The following BCR variants were observed in gnomAD, a reference collection of about 807,000 sequenced individuals.
BCR encodes the protein breakpoint cluster region protein.
Under a neutral mutation model 138.6 loss-of-function variants are expected in BCR, and 58 were observed. The ratio of observed to expected loss-of-function variants is 0.42; its 90% CI spans 0.34 to 0.52. The LOEUF (loss-of-function observed/expected upper bound fraction) is 0.52, where lower values mean the gene tolerates loss of function less well. Among genes scored for constraint, BCR ranks in the 20% least tolerant of loss-of-function variants. The pLI is 0.06. For synonymous variants in BCR, 786 were observed against 730.1 expected (o/e 1.08, Z -1.23); for missense variants, 1,599 against 1,727.2 (o/e 0.93, Z 1.32).
At chr22:23,252,907 A>G (rs1361924938) in intron 1 of BCR, among the ~76,000 whole-genome samples, 2 of 152,186 alleles carry the variant, frequency 1.3e-5, no homozygotes, top group African/African-American at 2.4e-5. Flanking sequence ...CAGTTTTGAC[A>G]TTGTCTACCT....
intron 10 of BCR, among the ~76,000 whole-genome samples, chr22:23,285,540 G>A (rs2073701880): frequency 6.6e-6 from 1 of 152,216 alleles, no homozygotes; most frequent in South Asian, 2.1e-4. Flanking sequence ...TGTCTGACCT[G>A]TGACCAGGGG....
intron 1 of BCR, among the ~76,000 whole-genome samples, chr22:23,237,059 T>C (rs2073035072): frequency 1.3e-5 from 2 of 152,218 alleles, no homozygotes; most frequent in African/African-American, 4.8e-5. Flanking sequence ...GTTGCCACGG[T>C]TCTCCCAGGA....
intron 1 of BCR, among the ~76,000 whole-genome samples, chr22:23,202,043 A>G (rs1368817108): frequency 6.6e-6 from 1 of 152,232 alleles, no homozygotes; most frequent in African/African-American, 2.4e-5. Flanking sequence ...TCCATGTATT[A>G]GTAAATCTTG....
chr22:23,181,862 G>A lies in BCR; in HGVS notation c.902G>A (p.Ser301Asn), dbSNP rs1175064296. The change falls in exon 1 of 23, where the codon AGC (serine) becomes AAC (asparagine). Residue 301 changes from serine to asparagine, a missense_variant. Coordinates refer to ENST00000305877, the MANE Select transcript of BCR (RefSeq NM_004327.4). Reference sequence around the variant, plus strand: ...AAGGGCCCGCTCCTGCGCAGCCAGAGCACCTCTGAGCAGGAGAAGCGCCTT... The same window carrying A: ...AAGGGCCCGCTCCTGCGCAGCCAGAACACCTCTGAGCAGGAGAAGCGCCTT... The part of the protein sequence containing the change: ...EGKGPLLRSQ[S>N]TSEQEKRLTW... 1 of 1,612,896 alleles carries A rather than the reference G, an allele frequency of 6.2e-7. No homozygotes were observed. The highest frequency in any genetic ancestry group is 1.7e-5 in the Admixed American group (1 of 60,022).
chr22:23,278,471 A>C (rs761753251), intron 8 of BCR, among the ~76,000 whole-genome samples: 4 of 152,184 alleles, frequency 2.6e-5, no homozygotes, highest in Non-Finnish European at 5.9e-5. Context: ...TCACACCTGT[A>C]ATCCCAGCAC....
chr22:23,239,911 T>A (rs907611237), intron 1 of BCR, among the ~76,000 whole-genome samples: 1 of 151,364 alleles, frequency 6.6e-6, no homozygotes, highest in Non-Finnish European at 1.5e-5. Flanking sequence ...CTCAGCCTCC[T>A]GGGCTCAAGT....
chr22:23,225,278 C>T (rs888401862), intron 1 of BCR, among the ~76,000 whole-genome samples: 2 of 151,758 alleles, frequency 1.3e-5, no homozygotes, highest in Non-Finnish European at 2.9e-5. Flanking sequence ...GAGACATCAT[C>T]TGAACCCAGA....
intron 2 of BCR, among the ~76,000 whole-genome samples, chr22:23,257,030 C>T (rs567652294): frequency 6.6e-6 from 1 of 152,240 alleles, no homozygotes; most frequent in South Asian, 2.1e-4. Flanking sequence ...GCCTCCATGG[C>T]CCTCCCTGCA....
chr22:23,303,456 G>A (rs1019563722), intron 16 of BCR, among the ~76,000 whole-genome samples: 4 of 152,342 alleles, frequency 2.6e-5, no homozygotes, highest in Admixed American at 6.5e-5. Flanking sequence ...ATTCAGGGGG[G>A]TCTCTGATGT....
intron 16 of BCR, among the ~76,000 whole-genome samples, chr22:23,296,757 C>T (rs2073849764): frequency 6.6e-6 from 1 of 152,248 alleles, no homozygotes; most frequent in African/African-American, 2.4e-5. Context: ...GCCTGGGCAA[C>T]ATAGACCCCT....
chr22:23,314,607 T>A lies in BCR; in HGVS notation c.3619T>A (p.Phe1207Ile), dbSNP rs767877493. 12 of 1,611,802 alleles carry A rather than the reference T, an allele frequency of 7.4e-6. No homozygotes were observed. Among genetic ancestry groups the A allele is most frequent in the Non-Finnish European group, 9.3e-6 (11 of 1,179,834 alleles). ...GTCCCTGCACAACCTCGCCACGGTC[T>A]TTGGCCCCACGCTGCTCCGGCCCTC... ...KMSLHNLATVFGPTLLRPSEK... is the reference protein window; with the variant it reads ...KMSLHNLATVIGPTLLRPSEK... The change falls in exon 22 of 23, where the codon TTT becomes ATT. Residue 1207 changes from phenylalanine (F) to isoleucine (I), a missense_variant. Coordinates refer to ENST00000305877, the MANE Select transcript of BCR (RefSeq NM_004327.4).
intron 1 of BCR, among the ~76,000 whole-genome samples, chr22:23,250,809 C>T (rs566061911): frequency 2.6e-5 from 4 of 152,102 alleles, no homozygotes; most frequent in Non-Finnish European, 4.4e-5. Flanking sequence ...GGCACCTTAG[C>T]GAGTCAACGT....
At chr22:23,288,968 A>T (rs1312660925) in intron 12 of BCR, among the ~76,000 whole-genome samples, 1 of 152,096 alleles carries the variant, frequency 6.6e-6, no homozygotes, top group African/African-American at 2.4e-5. Flanking sequence ...CTCGGCCCCC[A>T]ATGCCACCGT....
At chr22:23,230,052 C>CTTT (rs3054871) in intron 1 of BCR, among the ~76,000 whole-genome samples, 83,822 of 145,744 alleles carry the variant, frequency 0.58, 24,502 homozygotes, top group East Asian at 0.7. Flanking sequence ...CTGTTTGGTT[C>CTTT]TTTTTTTTTT....
intron 11 of BCR, among the ~76,000 whole-genome samples, 200 bp from the exon 12 acceptor site, chr22:23,287,897 G>A (rs2073735862): frequency 6.6e-6 from 1 of 152,240 alleles, no homozygotes; most frequent in Non-Finnish European, 1.5e-5. Context: ...GAGAGATGGT[G>A]TGCCAGAGGT....
intron 11 of BCR, 123 bp downstream of exon 11, chr22:23,287,401 G>A: frequency 7.2e-7 from 1 of 1,386,048 alleles, no homozygotes; most frequent in Non-Finnish European, 9.5e-7. Flanking sequence ...CCGGCATGGT[G>A]CATGCAAGCA....
At chr22:23,311,926 A>G in intron 19 of BCR, 90 bp downstream of exon 19, 1 of 1,542,266 alleles carries the variant, frequency 6.5e-7, no homozygotes, top group South Asian at 1.2e-5. Flanking sequence ...CAGGCATGTC[A>G]CATCCTTCTC....
chr22:23,206,899 T>C (rs1334736533), intron 1 of BCR, among the ~76,000 whole-genome samples: 2 of 136,374 alleles, frequency 1.5e-5, no homozygotes, highest in East Asian at 3.9e-4. Flanking sequence ...TTATTCATCA[T>C]CCATCCAACT....
intron 6 of BCR, among the ~76,000 whole-genome samples, chr22:23,272,093 C>T (rs533411917): frequency 6.6e-6 from 1 of 152,310 alleles, no homozygotes; most frequent in East Asian, 1.9e-4. Flanking sequence ...GCTGGGATTA[C>T]AGGTGTGAGC....
Sources: allele counts gnomAD v4.1 joint callset (sites outside exome capture counted in the v4.1 genomes callset), GRCh38; gene constraint gnomAD v4.1.1; transcripts MANE v1.5; gene names NCBI Gene and HGNC (gene_info 2026-07-23, HGNC 2026-07-21).